C1orf146: variants seen among roughly 807,000 people sequenced by gnomAD.
C1orf146 encodes chromosome 1 open reading frame 146.
In C1orf146, 22 loss-of-function variants were observed where a neutral mutation model predicts 23.0. That is an observed-to-expected ratio of 0.96 (90% CI 0.68 to 1.36). C1orf146 has a LOEUF of 1.36. C1orf146 is among the 40% of genes most tolerant of loss of function. The probability of loss-of-function intolerance (pLI) is 0.00; values close to 1 mark genes in which losing one functional copy is unlikely to be tolerated. For missense variants in C1orf146, 199 were observed against 206.8 expected (o/e 0.96, Z 0.23); for synonymous variants, 59 against 65.3 (o/e 0.90, Z 0.47).
intron 1 of C1orf146, among the ~76,000 whole-genome samples, chr1:92,227,835 A>ATT (rs748069152): frequency 1.4e-5 from 2 of 142,168 alleles, no homozygotes; most frequent in Admixed American, 7.1e-5. Context: ...TCCTTTGAAG[A>ATT]TTTTTTTTTT....
chr1:92,218,113 TTCTTCGC>T (rs1295314143), intron 1 of C1orf146, 65 bp downstream of exon 1: 5 of 152,292 alleles, frequency 3.3e-5, no homozygotes, highest in Non-Finnish European at 7.3e-5. Context: ...TCTTTCTTCG[TTCTTCGC>T]CGGCGTAGTG....
chr1:92,230,272 G>A (rs148723386), intron 1 of C1orf146, among the ~76,000 whole-genome samples: 5 of 150,958 alleles, frequency 3.3e-5, no homozygotes, highest in Admixed American at 2.0e-4. Context: ...AGACTGGTTT[G>A]GCCAACGTAG....
chr1:92,228,956 AT>A, intron 1 of C1orf146: 1 of 431,068 alleles, frequency 2.3e-6, no homozygotes, highest in South Asian at 1.9e-5. Context: ...CCAGGGACAA[AT>A]TTATACTTCT....
At chr1:92,230,589 C>T (rs1652095364) in intron 1 of C1orf146, among the ~76,000 whole-genome samples, 1 of 150,510 alleles carries the variant, frequency 6.6e-6, no homozygotes, top group African/African-American at 2.5e-5. Context: ...GCACTCCAGC[C>T]TGGGCAACAG....
Position 92,243,465 on chromosome 1 carries a change from G to A in C1orf146, c.161-752G>A, listed in dbSNP as rs563450566. Among the ~76,000 whole-genome samples the A allele has an allele frequency of 9.2e-5, 14 of 152,216 alleles. No homozygotes were observed. The South Asian group carries it at 2.7e-3, about 29-fold the overall frequency. On this transcript the variant is annotated intron_variant, in intron 3 of 5. Transcript: ENST00000370375. ...GGGTTCACACCATTCTCCTGCCTCA[G>A]CCTCCTCAGTAGCTGTGATTACAGG... is the stretch of plus-strand genomic sequence containing the variant.
At chr1:92,233,849 G>A (rs1245527022) in intron 2 of C1orf146, among the ~76,000 whole-genome samples, 1 of 152,098 alleles carries the variant, frequency 6.6e-6, no homozygotes, top group African/African-American at 2.4e-5. Flanking sequence ...TGGATTCCTA[G>A]GTATTTTATT....
At chr1:92,230,867 A>G (rs1652103728) in intron 1 of C1orf146, among the ~76,000 whole-genome samples, 1 of 152,136 alleles carries the variant, frequency 6.6e-6, no homozygotes, top group Admixed American at 6.5e-5. Flanking sequence ...TGCTTACAAG[A>G]TTCAGGTTTC....
At chr1:92,224,511 G>A (rs1274013762) in intron 1 of C1orf146, among the ~76,000 whole-genome samples, 2 of 152,066 alleles carry the variant, frequency 1.3e-5, no homozygotes, top group South Asian at 2.1e-4. Context: ...TTACATGTAG[G>A]CCTATGATTC....
chr1:92,243,699 TTAA>T (rs1652489356), intron 3 of C1orf146, among the ~76,000 whole-genome samples: 2 of 152,112 alleles, frequency 1.3e-5, no homozygotes, highest in African/African-American at 4.8e-5. Context: ...TTAAAAATAA[TTAA>T]TAAGAGCCTC....
At chr1:92,227,504 A>G (rs1651997364) in intron 1 of C1orf146, among the ~76,000 whole-genome samples, 1 of 152,162 alleles carries the variant, frequency 6.6e-6, no homozygotes, top group Non-Finnish European at 1.5e-5. Flanking sequence ...ACGCCACTGC[A>G]CTCCAGCCTG....
intron 1 of C1orf146, among the ~76,000 whole-genome samples, chr1:92,222,143 A>G (rs1320450324): frequency 1.3e-5 from 2 of 152,158 alleles, no homozygotes; most frequent in Non-Finnish European, 2.9e-5. Flanking sequence ...TGGGAGGCTG[A>G]GGCACGAGAA....
chr1:92,236,163 G>A (rs2100742321), intron 2 of C1orf146, among the ~76,000 whole-genome samples: 1 of 151,508 alleles, frequency 6.6e-6, no homozygotes, highest in South Asian at 2.1e-4. Context: ...GATGTTAGCT[G>A]GTTATTTTGC....
chr1:92,232,604 T>C (rs1652159962), intron 2 of C1orf146, among the ~76,000 whole-genome samples: 1 of 152,186 alleles, frequency 6.6e-6, no homozygotes, highest in East Asian at 1.9e-4. Context: ...GCATGATTTA[T>C]AGTCCTTTGG....
intron 1 of C1orf146, among the ~76,000 whole-genome samples, chr1:92,226,865 G>C (rs35845731): frequency 1.3e-5 from 2 of 152,030 alleles, no homozygotes; most frequent in African/African-American, 4.8e-5. Context: ...TTGGACTTCT[G>C]AAGTGTTTTT....
intron 3 of C1orf146, among the ~76,000 whole-genome samples, chr1:92,243,496 A>G (rs1439138151): frequency 6.6e-6 from 1 of 151,976 alleles, no homozygotes; most frequent in Non-Finnish European, 1.5e-5. Flanking sequence ...ACAGGCACAT[A>G]CCACCACACC....
At chr1:92,235,541 G>A (rs1485764519) in intron 2 of C1orf146, among the ~76,000 whole-genome samples, 22 of 152,162 alleles carry the variant, frequency 1.4e-4, no homozygotes, top group Non-Finnish European at 3.1e-4. Flanking sequence ...TATGTGGTCA[G>A]TTTTGGAATA....
chr1:92,236,296 C>T (rs1418618717), intron 2 of C1orf146, among the ~76,000 whole-genome samples: 2 of 152,114 alleles, frequency 1.3e-5, no homozygotes, highest in Non-Finnish European at 2.9e-5. Flanking sequence ...TCTTTTAGGG[C>T]AGGCCTGCTG....
intron 2 of C1orf146, among the ~76,000 whole-genome samples, chr1:92,239,368 A>G (rs750568288): frequency 4.9e-4 from 75 of 152,338 alleles, no homozygotes; most frequent in Non-Finnish European, 9.4e-4. Flanking sequence ...GAATAGTGCT[A>G]TCTTCCCCTT....
chr1:92,231,063 G>A (rs1652108911), intron 1 of C1orf146, among the ~76,000 whole-genome samples: 1 of 152,166 alleles, frequency 6.6e-6, no homozygotes, highest in South Asian at 2.1e-4. Flanking sequence ...TCTTTTATCT[G>A]TATAAGTGAA....
Sources: gnomAD v4.1 joint callset for allele counts (sites outside exome capture counted in the v4.1 genomes callset) on GRCh38, gnomAD v4.1.1 for gene constraint, MANE v1.5 for transcripts, NCBI Gene and HGNC (gene_info 2026-07-23, HGNC 2026-07-21) for gene names.